Variants in DACH1 observed in about 807,000 individuals in gnomAD.
DACH1 encodes dachshund family transcription factor 1, also known as dachshund homolog 1.
DACH1 carries 12 observed loss-of-function variants against 54.2 expected under a neutral mutation model. The observed-to-expected ratio is 0.22, with a 90% CI of 0.14 to 0.36. DACH1 has a LOEUF of 0.36. Ranked by LOEUF, DACH1 falls within the 10% of genes least tolerant of loss-of-function variation. The pLI is 1.00. For synonymous variants in DACH1, 386 were observed against 366.2 expected, an observed-to-expected ratio of 1.05 and a Z score of -0.62; for missense variants, 805 against 929.8, an observed-to-expected ratio of 0.87 and a Z score of 1.75.
At chr13:71,560,007 A>C (rs1884490101) in intron 4 of DACH1, 52 bp from the exon 5 acceptor site, 8 of 1,428,998 alleles carry the variant, frequency 5.6e-6, no homozygotes, top group Non-Finnish European at 7.4e-6. Flanking sequence ...AATACAACGG[A>C]TCTTTACTTA....
chr13:71,514,720 G>A (rs1881033267), intron 6 of DACH1, among the ~76,000 whole-genome samples: 1 of 151,664 alleles, frequency 6.6e-6, no homozygotes, highest in African/African-American at 2.4e-5. Flanking sequence ...CTCCTTCAAT[G>A]AAATGAAACT....
intron 6 of DACH1, among the ~76,000 whole-genome samples, chr13:71,521,431 A>C (rs967517564): frequency 2.6e-5 from 4 of 152,074 alleles, no homozygotes; most frequent in Non-Finnish European, 5.9e-5. Context: ...ACATAGGTCT[A>C]AATCTCACTA....
intron 3 of DACH1, among the ~76,000 whole-genome samples, chr13:71,591,181 A>T (rs896466715): frequency 6.6e-6 from 1 of 151,900 alleles, no homozygotes; most frequent in Non-Finnish European, 1.5e-5. Context: ...GACCGGCCTC[A>T]ATTTCCCAGT....
At chr13:71,824,320 AT>A (rs1368265478) in intron 1 of DACH1, among the ~76,000 whole-genome samples, 3 of 152,028 alleles carry the variant, frequency 2.0e-5, no homozygotes, top group African/African-American at 7.2e-5. Context: ...AATGAAAAAA[AT>A]AAAATAAGGC....
In DACH1 at chr13:71,629,735, A is replaced by G. The variant is rs1039958721; in HGVS notation, c.1126+821T>C. Among the ~76,000 whole-genome samples, 12 of 152,162 alleles carry G rather than the reference A, an allele frequency of 7.9e-5. No individual in the cohort carries two copies. In the East Asian group the frequency reaches 2.3e-3, roughly 29 times the overall value. On this transcript the variant is annotated intron_variant, in intron 3 of 10. Coordinates refer to ENST00000613252, the MANE Select transcript of DACH1 (RefSeq NM_080759.6). ...ATATACATTGGCTATAGTATCTTGC[A>G]TACATCTTGTAGTATCCAAATTTCT...
intron 6 of DACH1, among the ~76,000 whole-genome samples, chr13:71,553,925 A>AT (rs1283710874): frequency 6.6e-6 from 1 of 151,836 alleles, no homozygotes; most frequent in Non-Finnish European, 1.5e-5. Context: ...TTTGGCATCT[A>AT]TTTTTGGAAT....
intron 1 of DACH1, among the ~76,000 whole-genome samples, chr13:71,832,401 A>G (rs1224555516): frequency 6.6e-6 from 1 of 151,912 alleles, no homozygotes; most frequent in Non-Finnish European, 1.5e-5. Flanking sequence ...GCTAAAATGC[A>G]TGGGGCCTGC....
At chr13:71,792,914 T>G (rs1245838774) in intron 1 of DACH1, among the ~76,000 whole-genome samples, 1 of 152,268 alleles carries the variant, frequency 6.6e-6, no homozygotes, top group African/African-American at 2.4e-5. Context: ...AAGAGGTAAG[T>G]AGCCTACAGT....
intron 6 of DACH1, among the ~76,000 whole-genome samples, chr13:71,506,010 T>C (rs1354142259): frequency 6.6e-6 from 1 of 152,108 alleles, no homozygotes; most frequent in Non-Finnish European, 1.5e-5. Context: ...TGATATAGAT[T>C]AAAAACTATA....
chr13:71,663,898 A>G (rs948379139), intron 2 of DACH1, among the ~76,000 whole-genome samples: 2 of 151,878 alleles, frequency 1.3e-5, no homozygotes, highest in Non-Finnish European at 2.9e-5. Flanking sequence ...TAATATCCAC[A>G]TAATTTTTCA....
At chr13:71,783,844 T>C (rs1594216878) in intron 1 of DACH1, among the ~76,000 whole-genome samples, 1 of 151,892 alleles carries the variant, frequency 6.6e-6, no homozygotes, top group Admixed American at 6.6e-5. Context: ...TTTAAGGTTT[T>C]TTTTTTGTTT....
intron 2 of DACH1, among the ~76,000 whole-genome samples, chr13:71,662,234 A>T (rs910591705): frequency 7.9e-5 from 12 of 152,072 alleles, no homozygotes; most frequent in Admixed American, 6.6e-5. Flanking sequence ...TTGTTCCCAG[A>T]TGTAAAAATC....
chr13:71,451,503 A>T (rs1875055044), intron 10 of DACH1, among the ~76,000 whole-genome samples: 1 of 152,216 alleles, frequency 6.6e-6, no homozygotes, highest in Non-Finnish European at 1.5e-5. Flanking sequence ...ATGTGGCTCT[A>T]GATGTTATGC....
At chr13:71,768,662 G>A (rs537739923) in intron 1 of DACH1, among the ~76,000 whole-genome samples, 1 of 151,898 alleles carries the variant, frequency 6.6e-6, no homozygotes, top group South Asian at 2.1e-4. Flanking sequence ...AACAAAATAA[G>A]GCAGCTCAAA....
At chr13:71,492,742 AGTGTGT>A (rs112271287) in intron 6 of DACH1, among the ~76,000 whole-genome samples, 1 of 139,814 alleles carries the variant, frequency 7.2e-6, no homozygotes, top group South Asian at 2.3e-4. Context: ...TGTGTGTGTG[AGTGTGT>A]GTGTGTGTGT....
At chr13:71,782,685 C>T (rs1238338949) in intron 1 of DACH1, among the ~76,000 whole-genome samples, 3 of 152,152 alleles carry the variant, frequency 2.0e-5, no homozygotes, top group Middle Eastern at 3.4e-3. Context: ...TCCCATAGTG[C>T]GTACTCTGGC....
At chr13:71,691,710 C>T (rs1018313898) in intron 1 of DACH1, among the ~76,000 whole-genome samples, 1 of 152,130 alleles carries the variant, frequency 6.6e-6, no homozygotes, top group Admixed American at 6.6e-5. Context: ...TTAATGTAGT[C>T]AACAAACATT....
intron 3 of DACH1, among the ~76,000 whole-genome samples, chr13:71,601,601 G>T (rs544567208): frequency 6.6e-6 from 1 of 151,792 alleles, no homozygotes; most frequent in South Asian, 2.1e-4. Flanking sequence ...ATCTCTGCCC[G>T]TCTTTTTTCT....
chr13:71,866,694 A>G lies in DACH1; in HGVS notation c.76T>C (p.Ser26Pro). 6.9e-7 allele frequency: 1 copy of G among 1,457,900 alleles called. No individual in the cohort carries two copies. The highest frequency in any genetic ancestry group is 9.1e-7 in the Non-Finnish European group (1 of 1,099,200). 90.3% of individuals were successfully genotyped at this position (1,457,900 alleles called of 1,614,324 possible). ...GAGGTGGAGGTGGTGGTGCCAGAGG[A>G]GGAAGCAGACGTGGAGATTGGGGGT... Reference protein sequence around the residue: ...PQPPISTSASSSGTTTSTSSA... With the variant: ...PQPPISTSASPSGTTTSTSSA... The change falls in exon 1 of 11, where the codon TCC becomes CCC. Residue 26 changes from serine to proline, a missense_variant. Ser to Pro is a moderately conservative substitution (Grantham distance 74). This residue lies in a region of DACH1 where 305 missense variants were observed against 308.7 expected (regional missense o/e 0.99). Coordinates refer to ENST00000613252, the MANE Select transcript of DACH1 (RefSeq NM_080759.6).
Sources: gnomAD v4.1 joint callset for allele counts (sites outside exome capture counted in the v4.1 genomes callset) on GRCh38, gnomAD v4.1.1 for gene constraint, gnomAD v4.1.1 regional missense constraint, MANE v1.5 for transcripts, NCBI Gene and HGNC (gene_info 2026-07-23, HGNC 2026-07-21) for gene names.